Variants in PTPRD observed in about 807,000 individuals in gnomAD.
The protein encoded by PTPRD is receptor-type tyrosine-protein phosphatase delta.
PTPRD carries 34 observed loss-of-function variants against 214.5 expected under a neutral mutation model. The observed-to-expected ratio is 0.16, with a 90% confidence interval of 0.12 to 0.21. PTPRD has a LOEUF of 0.21. Among genes scored for constraint, PTPRD ranks in the 10% least tolerant of loss-of-function variants. PTPRD has a pLI of 1.00. For synonymous variants in PTPRD, 1,128 were observed against 845.7 expected (o/e 1.33, Z -5.79); for missense variants, 2,545 against 2,398.7 (o/e 1.06, Z -1.27).
intron 8 of PTPRD, among the ~76,000 whole-genome samples, chr9:9,528,182 CT>C (rs2074589040): frequency 6.6e-6 from 1 of 152,222 alleles, no homozygotes; most frequent in South Asian, 2.1e-4. Flanking sequence ...TTCTGTAGAT[CT>C]TCAAGGGACT....
intron 11 of PTPRD, among the ~76,000 whole-genome samples, chr9:8,795,943 T>C (rs2096405813): frequency 6.6e-6 from 1 of 152,210 alleles, no homozygotes. Context: ...TTTTACCTTG[T>C]ATAGTTACAC....
At position 10,050,559 on chromosome 9, in the gene PTPRD, C is replaced by CAAA. The variant is rs1164243746; in HGVS notation, c.-544-16772_-544-16770dup. On this transcript the variant is annotated intron_variant, in intron 3 of 45. Transcript: ENST00000381196. ...TGGGCAATAAAGAGAGAGTCTGTCT[C>CAAA]AAAAAAAAAAAAAAAAAAAAAAAAA... Among the ~76,000 whole-genome samples, 69 of 14,000 alleles carry CAAA rather than the reference C, an allele frequency of 4.9e-3. 5 individuals are homozygous for CAAA. The highest frequency in any genetic ancestry group is 8.6e-3 in the South Asian group (2 of 232). 9.2% of individuals were successfully genotyped at this position (14,000 alleles called of 152,430 possible). A position where few individuals can be genotyped will look rare whatever the true frequency, so the allele number is the denominator to read the frequency against.
chr9:9,622,235 T>C (rs549052353), intron 7 of PTPRD, among the ~76,000 whole-genome samples: 1 of 152,300 alleles, frequency 6.6e-6, no homozygotes, highest in African/African-American at 2.4e-5. Flanking sequence ...AAACACAAAA[T>C]TCAGGGTGCT....
chr9:10,140,694 T>C (rs2098978261), intron 3 of PTPRD, among the ~76,000 whole-genome samples: 1 of 151,996 alleles, frequency 6.6e-6, no homozygotes, highest in African/African-American at 2.4e-5. Context: ...TACCATTCCT[T>C]CTGAAACTAT....
Position 10,554,657 on chromosome 9 carries a change from T to C in PTPRD, c.-600+57741A>G, listed in dbSNP as rs115090322. Among the ~76,000 whole-genome samples, 123 of 151,902 alleles carry C rather than the reference T, an allele frequency of 8.1e-4. 1 individual carries two copies. Among genetic ancestry groups the C allele is most frequent in the African/African-American group, 2.6e-3 (108 of 41,492 alleles). ...AGGTTTATACATTTCTTTTTTTAAT[T>C]TTTTTTGTTTTTGTTTTTTTCAAGA... On this transcript the variant is annotated intron_variant, in intron 2 of 45. Coordinates refer to ENST00000381196, the MANE Select transcript of PTPRD (RefSeq NM_002839.4).
intron 9 of PTPRD, among the ~76,000 whole-genome samples, chr9:9,309,784 C>G (rs894623603): frequency 1.3e-5 from 2 of 152,174 alleles, no homozygotes; most frequent in African/African-American, 4.8e-5. Flanking sequence ...AAGAATTTCA[C>G]TATCGTATTT....
At chr9:9,268,627 T>G (rs1270080369) in intron 9 of PTPRD, among the ~76,000 whole-genome samples, 2 of 150,872 alleles carry the variant, frequency 1.3e-5, no homozygotes, top group African/African-American at 4.9e-5. Flanking sequence ...TAAAAACCTA[T>G]AGCAATCAAA....
chr9:10,264,623 G>T (rs2093928445), intron 3 of PTPRD, among the ~76,000 whole-genome samples: 1 of 152,128 alleles, frequency 6.6e-6, no homozygotes, highest in Non-Finnish European at 1.5e-5. Context: ...TGATTTTACA[G>T]CCTCATAGGC....
chr9:10,547,075 C>T (rs1212727227), intron 2 of PTPRD, among the ~76,000 whole-genome samples: 2 of 152,056 alleles, frequency 1.3e-5, no homozygotes, highest in Non-Finnish European at 2.9e-5. Context: ...GACGCTTTTT[C>T]TCTAAGTGTA....
chr9:10,582,873 G>C (rs12683379), intron 2 of PTPRD, among the ~76,000 whole-genome samples: 12 of 152,084 alleles, frequency 7.9e-5, no homozygotes, highest in Admixed American at 3.9e-4. Context: ...GACAAAGAAG[G>C]GTTTCTTATT....
chr9:9,465,430 G>A (rs1261039492), intron 8 of PTPRD, among the ~76,000 whole-genome samples: 1 of 152,164 alleles, frequency 6.6e-6, no homozygotes, highest in Non-Finnish European at 1.5e-5. Context: ...CAAACTGATT[G>A]TTTGAGTCAG....
At chr9:9,676,376 G>A (rs2154394363) in intron 7 of PTPRD, among the ~76,000 whole-genome samples, 1 of 150,362 alleles carries the variant, frequency 6.7e-6, no homozygotes, top group East Asian at 2.0e-4. Context: ...AACATGCGGT[G>A]TTTGGTTTTT....
intron 3 of PTPRD, among the ~76,000 whole-genome samples, chr9:10,261,373 T>C (rs536310147): frequency 2.0e-5 from 3 of 152,168 alleles, no homozygotes; most frequent in African/African-American, 7.2e-5. Context: ...GCTAATGTTA[T>C]GAACATTTGA....
chr9:9,847,570 C>T (rs565473138), intron 5 of PTPRD, among the ~76,000 whole-genome samples: 2 of 152,182 alleles, frequency 1.3e-5, no homozygotes, highest in South Asian at 2.1e-4. Context: ...CTAGGTTTGT[C>T]ATATTCTTGC....
chr9:9,121,862 A>T (rs1206201446), intron 10 of PTPRD, among the ~76,000 whole-genome samples: 2 of 152,212 alleles, frequency 1.3e-5, no homozygotes, highest in Non-Finnish European at 2.9e-5. Context: ...CTTGTAAAAA[A>T]ACTTGATCAG....
intron 5 of PTPRD, among the ~76,000 whole-genome samples, chr9:9,813,094 G>T (rs990354933): frequency 6.6e-6 from 1 of 151,916 alleles, no homozygotes; most frequent in Admixed American, 6.6e-5. Context: ...AGTATAAGGA[G>T]ACAAATGAAA....
At chr9:9,781,500 T>C (rs1275552059) in intron 5 of PTPRD, among the ~76,000 whole-genome samples, 2 of 152,306 alleles carry the variant, frequency 1.3e-5, no homozygotes, top group African/African-American at 4.8e-5. Flanking sequence ...TAAGATCTAA[T>C]TGACCAATAA....
chr9:9,767,152 T>C (rs1411439131), intron 5 of PTPRD, among the ~76,000 whole-genome samples: 2 of 151,990 alleles, frequency 1.3e-5, no homozygotes, highest in Non-Finnish European at 2.9e-5. Context: ...AAAGAACATA[T>C]ACAGATATCA....
intron 11 of PTPRD, among the ~76,000 whole-genome samples, chr9:9,011,678 T>A (rs1055784754): frequency 1.3e-5 from 2 of 152,194 alleles, no homozygotes; most frequent in African/African-American, 4.8e-5. Flanking sequence ...TAATGATAAC[T>A]CTACACCCTA....
Sources: allele counts gnomAD v4.1 joint callset (sites outside exome capture counted in the v4.1 genomes callset), GRCh38; gene constraint gnomAD v4.1.1; transcripts MANE v1.5; gene names NCBI Gene and HGNC (gene_info 2026-07-23, HGNC 2026-07-21).